The following ATP10B variants were observed in gnomAD, a reference collection of about 807,000 sequenced individuals.
ATP10B encodes the protein ATPase phospholipid transporting 10B (putative).
Under a neutral mutation model 141.2 loss-of-function variants are expected in ATP10B, and 122 were observed. That is an observed-to-expected ratio of 0.86 (90% CI 0.75 to 1.00). ATP10B has a LOEUF of 1.00. Among genes scored for constraint, ATP10B ranks in the 50% least tolerant of loss-of-function variants. The probability of loss-of-function intolerance (pLI) is 0.00; values close to 1 mark genes in which losing one functional copy is unlikely to be tolerated. For missense variants in ATP10B, 1,876 were observed against 1,825.3 expected, an observed-to-expected ratio of 1.03 and a Z score of -0.51; for synonymous variants, 685 against 692.0, an observed-to-expected ratio of 0.99 and a Z score of 0.16.
chr5:160,637,041 A>AATCCATCCATCCATCCATCCATCCATCC (rs201357056), intron 10 of ATP10B, among the ~76,000 whole-genome samples: 29 of 55,936 alleles, frequency 5.2e-4, no homozygotes, highest in Admixed American at 9.8e-4. Context: ...TCCATCCATG[A>AATCCATCCATCCATCCATCCATCCATCC]ATCCATCCAT....
At chr5:160,652,876 AAT>A (rs572715234) in intron 7 of ATP10B, among the ~76,000 whole-genome samples, 2,094 of 49,396 alleles carry the variant, frequency 0.042, 108 homozygotes, top group African/African-American at 0.098. Flanking sequence ...TAATATATAT[AAT>A]ATATATATAA....
At chr5:160,812,078 C>T (rs1773218350) in intron 1 of ATP10B, among the ~76,000 whole-genome samples, 1 of 139,880 alleles carries the variant, frequency 7.1e-6, no homozygotes, top group Non-Finnish European at 1.6e-5. Context: ...GAGAGAGATT[C>T]CTCTTGTTGG....
chr5:160,773,223 C>T (rs193132220), intron 2 of ATP10B, among the ~76,000 whole-genome samples: 8 of 152,222 alleles, frequency 5.3e-5, no homozygotes, highest in East Asian at 1.9e-4. Flanking sequence ...AGCCTGGTCT[C>T]GTTCCTCAGA....
the ATP10B span, among the ~76,000 whole-genome samples, chr5:160,903,204 G>A: frequency 4.6e-5 from 7 of 152,148 alleles, no homozygotes; most frequent in Non-Finnish European, 1.0e-4. Context: ...TGTATAGCTT[G>A]CTTAGATCAG....
chr5:160,634,110 G>A (rs758972900), intron 12 of ATP10B: 1 of 625,432 alleles, frequency 1.6e-6, no homozygotes, highest in Non-Finnish European at 2.9e-6. Context: ...ACCAGACAAA[G>A]ATCAGCTGAA....
At chr5:160,831,260 CTTAA>C (rs1378758386) in intron 1 of ATP10B, among the ~76,000 whole-genome samples, 2 of 151,956 alleles carry the variant, frequency 1.3e-5, no homozygotes, top group Admixed American at 6.6e-5. Flanking sequence ...ATAGTAAGTT[CTTAA>C]TTAATGGTGA....
At chr5:160,870,165 T>G in the ATP10B span, among the ~76,000 whole-genome samples, 1 of 152,066 alleles carries the variant, frequency 6.6e-6, no homozygotes, top group Non-Finnish European at 1.5e-5. Context: ...TCCTGTCCCA[T>G]GCAAGGGGAA....
chr5:160,746,431 G>T (rs1273484434), intron 2 of ATP10B, among the ~76,000 whole-genome samples: 2 of 146,874 alleles, frequency 1.4e-5, no homozygotes, highest in Non-Finnish European at 1.5e-5. Flanking sequence ...TTGCTCTATT[G>T]CCCAGGCTGG....
At chr5:160,721,959 G>A (rs1342135636) in intron 2 of ATP10B, among the ~76,000 whole-genome samples, 1 of 152,160 alleles carries the variant, frequency 6.6e-6, no homozygotes, top group Non-Finnish European at 1.5e-5. Flanking sequence ...TTCTAGCTGT[G>A]AGTCTCAACC....
intron 22 of ATP10B, 83 bp from the exon 23 acceptor site, chr5:160,591,222 CGACA>C: frequency 9.0e-7 from 1 of 1,110,666 alleles, no homozygotes; most frequent in South Asian, 1.4e-5. Context: ...CATGTGGCTG[CGACA>C]GACAACCAGA....
chr5:160,652,337 G>A (rs1760799110), intron 7 of ATP10B, among the ~76,000 whole-genome samples: 1 of 151,962 alleles, frequency 6.6e-6, no homozygotes, highest in African/African-American at 2.4e-5. Context: ...GGCCCTGCTT[G>A]CTTTTAAGAA....
chr5:160,899,495 T>C, the ATP10B span, among the ~76,000 whole-genome samples: 1 of 152,110 alleles, frequency 6.6e-6, no homozygotes. Flanking sequence ...ACAGGGTATG[T>C]CTAAGTTACA....
intron 24 of ATP10B, among the ~76,000 whole-genome samples, chr5:160,582,796 C>T (rs575604327): frequency 1.0e-3 from 159 of 152,086 alleles, no homozygotes; most frequent in Middle Eastern, 3.4e-3. Flanking sequence ...TCTTTTTTCT[C>T]TAATCTTGTC....
At chr5:160,863,510 G>T in the ATP10B span, among the ~76,000 whole-genome samples, 1 of 151,862 alleles carries the variant, frequency 6.6e-6, no homozygotes. Context: ...CAAAAAGTGT[G>T]AAAAAGCATA....
In ATP10B at chr5:160,718,151, C is replaced by T. The variant is rs1765769013; in HGVS notation, c.-330-1117G>A. ...CTGCAGGGCAGAAAGCAGCAATGTA[C>T]TTGAGGTAGAAACTTTGGCCAGGAA... On this transcript the variant is annotated intron_variant, in intron 2 of 25. Coordinates refer to ENST00000327245, the MANE Select transcript of ATP10B (RefSeq NM_025153.3). 2.0e-5 allele frequency among the ~76,000 whole-genome samples: 3 copies of T among 152,222 alleles called. No individual in the cohort carries two copies. In the South Asian group the frequency reaches 6.2e-4, roughly 32 times the overall value.
At chr5:160,718,825 G>A (rs1344551118) in intron 2 of ATP10B, among the ~76,000 whole-genome samples, 1 of 152,068 alleles carries the variant, frequency 6.6e-6, no homozygotes, top group Non-Finnish European at 1.5e-5. Context: ...TGCTACACTG[G>A]GGATCAAATT....
chr5:160,633,810 A>C, intron 12 of ATP10B: 1 of 188,254 alleles, frequency 5.3e-6, no homozygotes, highest in Non-Finnish European at 1.1e-5. Flanking sequence ...GATCAGTTTT[A>C]TGAGTCATAT....
chr5:160,907,283 T>C, the ATP10B span, among the ~76,000 whole-genome samples: 2 of 148,786 alleles, frequency 1.3e-5, no homozygotes, highest in African/African-American at 2.5e-5. Flanking sequence ...GGAACCCTAG[T>C]TGATTTTTTT....
chr5:160,751,216 T>G (rs1050490303), intron 2 of ATP10B, among the ~76,000 whole-genome samples: 1 of 152,206 alleles, frequency 6.6e-6, no homozygotes, highest in African/African-American at 2.4e-5. Flanking sequence ...TCTGTTTTAT[T>G]GGCACTGACC....
Sources: allele counts gnomAD v4.1 joint callset (sites outside exome capture counted in the v4.1 genomes callset), GRCh38; gene constraint gnomAD v4.1.1; transcripts MANE v1.5; gene names NCBI Gene and HGNC (gene_info 2026-07-23, HGNC 2026-07-21).